The following EARS2 variants were observed in gnomAD, a reference collection of about 807,000 sequenced individuals.
The protein encoded by EARS2 is glutamyl-tRNA synthetase 2, mitochondrial, also known as nondiscriminating glutamyl-tRNA synthetase EARS2, mitochondrial.
EARS2 carries 50 observed loss-of-function variants against 54.1 expected under a neutral mutation model. That is an observed-to-expected ratio of 0.92 (90% CI 0.74 to 1.17). The LOEUF (loss-of-function observed/expected upper bound fraction) is 1.17, where lower values mean the gene tolerates loss of function less well. EARS2 is among the 50% of genes most tolerant of loss of function. The pLI is 0.00. For synonymous variants in EARS2, 298 were observed against 281.0 expected, an observed-to-expected ratio of 1.06 and a Z score of -0.61; for missense variants, 673 against 675.0, an observed-to-expected ratio of 1.00 and a Z score of 0.03.
intron 5 of EARS2, among the ~76,000 whole-genome samples, chr16:23,530,918 T>A (rs536070970): frequency 5.5e-4 from 81 of 147,690 alleles, no homozygotes; most frequent in African/African-American, 1.9e-3. Context: ...TGAGATGGAG[T>A]TTCACTCTTG....
At chr16:23,541,804 G>GT (rs1271769250) in intron 3 of EARS2, among the ~76,000 whole-genome samples, 2 of 149,068 alleles carry the variant, frequency 1.3e-5, no homozygotes, top group African/African-American at 5.0e-5. Context: ...TGCGATTCTA[G>GT]TGCCTCAACC....
chr16:23,552,099 C>G, intron 2 of EARS2, 50 bp downstream of exon 2: 1 of 1,590,406 alleles, frequency 6.3e-7, no homozygotes, highest in Non-Finnish European at 8.6e-7. Flanking sequence ...GCTCCTTTTC[C>G]TGCTTCCTGT....
chr16:23,526,970 A>G (rs1024347447), intron 7 of EARS2, among the ~76,000 whole-genome samples: 1 of 138,850 alleles, frequency 7.2e-6, no homozygotes, highest in Non-Finnish European at 1.7e-5. Flanking sequence ...ATAATTAATT[A>G]TTTTTTTTTT....
Position 23,523,809 on chromosome 16 carries a change from A to G in EARS2, c.*562T>C, listed in dbSNP as rs1277118490. On this transcript the variant is annotated 3_prime_UTR_variant, in exon 9 of 9. Coordinates refer to ENST00000449606, the MANE Select transcript of EARS2 (RefSeq NM_001083614.2). ...ATCCAGTCCAACTGGTGTTCTTAGA[A>G]GAGGAACGTTGGGCACATAATGAAA... The G allele has an allele frequency of 8.2e-6, 1 of 122,678 alleles. No individual in the cohort carries two copies. The highest frequency in any genetic ancestry group is 1.7e-5 in the Non-Finnish European group (1 of 59,190). The allele number at this position is 122,678 out of a possible 1,614,324, so 7.6% of individuals were successfully genotyped here. A position where few individuals can be genotyped will look rare whatever the true frequency, so the allele number is the denominator to read the frequency against.
Position 23,534,978 on chromosome 16 carries a change from C to G in EARS2, c.868G>C (p.Gly290Arg). 2 of 1,612,304 alleles carry G rather than the reference C, an allele frequency of 1.2e-6. No individual in the cohort carries two copies. The highest frequency in any genetic ancestry group is 4.5e-5 in the East Asian group (2 of 44,844). The change falls in exon 4 of 9, where the codon GGG becomes CGG. Residue 290 changes from glycine to arginine, a missense_variant. By Grantham distance (125) the Gly-to-Arg change is moderately radical. Transcript: ENST00000449606. ...GCAAAGTGCTCCAGGAAAACGTCCC[C>G]TTGCCTCTTGGAGAGCTTGCTGCCA... ...RDGSKLSKRQGDVFLEHFAAD... is the reference protein window; with the variant it reads ...RDGSKLSKRQRDVFLEHFAAD...
intron 2 of EARS2, among the ~76,000 whole-genome samples, chr16:23,549,939 C>T (rs1965665664): frequency 6.6e-6 from 1 of 152,200 alleles, no homozygotes; most frequent in Non-Finnish European, 1.5e-5. Flanking sequence ...TCACTTCATG[C>T]AGGTCTCTGC....
At chr16:23,545,627 T>A (rs1420741878) in intron 2 of EARS2, among the ~76,000 whole-genome samples, 1 of 152,154 alleles carries the variant, frequency 6.6e-6, no homozygotes, top group Non-Finnish European at 1.5e-5. Context: ...CCGGAGCCGA[T>A]ATTCTTAACC....
intron 1 of EARS2, among the ~76,000 whole-genome samples, chr16:23,553,958 G>T (rs988809599): frequency 6.6e-6 from 1 of 150,858 alleles, no homozygotes; most frequent in Non-Finnish European, 1.5e-5. Flanking sequence ...GACTGTCCAC[G>T]TCGTACATTT....
chr16:23,543,615 C>A (rs1263457090), intron 3 of EARS2, among the ~76,000 whole-genome samples: 4 of 151,816 alleles, frequency 2.6e-5, no homozygotes, highest in Non-Finnish European at 5.9e-5. Context: ...CACCTGTAGT[C>A]CCAGCTACCC....
chr16:23,525,500 G>T, intron 7 of EARS2, 121 bp from the exon 8 acceptor site: 1 of 1,167,900 alleles, frequency 8.6e-7, no homozygotes, highest in Non-Finnish European at 1.2e-6. Context: ...GTTCAAGCCT[G>T]TTTTGAGGGA....
At chr16:23,555,846 A>C (rs1352220128) in intron 1 of EARS2, among the ~76,000 whole-genome samples, 2 of 152,210 alleles carry the variant, frequency 1.3e-5, no homozygotes, top group African/African-American at 2.4e-5. Context: ...ATGCCCGGCT[A>C]ATTTTTGTAT....
At position 23,534,806 on chromosome 16, in the gene EARS2, A is replaced by G. The variant is rs1027870378; in HGVS notation, c.958+82T>C. 7 of 1,277,756 alleles carry G rather than the reference A, an allele frequency of 5.5e-6. No homozygotes were observed. In the African/African-American group the frequency reaches 9.0e-5, roughly 16 times the overall value. The allele number at this position is 1,277,756 out of a possible 1,614,324, so 79.2% of individuals were successfully genotyped here. A position where few individuals can be genotyped will look rare whatever the true frequency, so the allele number is the denominator to read the frequency against. On this transcript the variant is annotated intron_variant, in intron 4 of 8. Coordinates refer to ENST00000449606, the MANE Select transcript of EARS2 (RefSeq NM_001083614.2). The stretch of plus-strand genomic sequence containing the variant: ...GCTGGTAGGTGGCAAAGCTGGGACC[A>G]AAGAGCAGGACTGTCTGAGCCAAAG...
In EARS2 at chr16:23,529,537, C is replaced by A; in HGVS notation, c.1317G>T (p.Ser439=). ...GCTTGGCAATCACATCCACCTTCTC[C>A]GAGATGGCGTCCAGCTGTGCTCGAC... is the stretch of plus-strand genomic sequence containing the variant. ...AVGRAQLDAI[S]EKVDVIAKRV... Residue 439 remains serine, a synonymous_variant, in exon 7 of 9, where the codon TCG becomes TCT. Coordinates refer to ENST00000449606, the MANE Select transcript of EARS2 (RefSeq NM_001083614.2). 6.2e-7 allele frequency: 1 copy of A among 1,614,076 alleles called. No individual in the cohort carries two copies. The highest frequency in any genetic ancestry group is 8.5e-7 in the Non-Finnish European group (1 of 1,179,998).
intron 1 of EARS2, among the ~76,000 whole-genome samples, chr16:23,554,626 C>T (rs745544704): frequency 3.3e-5 from 5 of 152,188 alleles, no homozygotes; most frequent in Non-Finnish European, 4.4e-5. Flanking sequence ...GTGTAACCTT[C>T]GGATAGTTAC....
At chr16:23,534,816 A>C (rs879567788) in intron 4 of EARS2, 72 bp downstream of exon 4, 2 of 1,339,350 alleles carry the variant, frequency 1.5e-6, no homozygotes, top group Non-Finnish European at 2.0e-6. Context: ...AAAGAGCAGG[A>C]CTGTCTGAGC....
rs766371265 is a variant in EARS2, at chr16:23,552,335, G to A, written c.140-31C>T. 23 of 1,609,420 alleles carry A rather than the reference G, an allele frequency of 1.4e-5. No homozygotes were observed. The East Asian group carries it at 5.1e-4, about 36-fold the overall frequency. On this transcript the variant is annotated intron_variant, in intron 1 of 8. Coordinates refer to ENST00000449606, the MANE Select transcript of EARS2 (RefSeq NM_001083614.2). ...GAAGAGAACAGCTCAGATAAGACAG[G>A]GAAGATAAGCTAATAGGCCTCAGCA...
chr16:23,524,471 C>T lies in EARS2; in HGVS notation c.1489-17G>A, dbSNP rs1322146416. Reference sequence around the variant, plus strand: ...AGGTCCTTGCTAAGAACAAAAAGAGCAAATATTGCCTTACTACCTTAAACA... The same window carrying T: ...AGGTCCTTGCTAAGAACAAAAAGAGTAAATATTGCCTTACTACCTTAAACA... On this transcript the variant is annotated splice_polypyrimidine_tract_variant and intron_variant, in intron 8 of 8. Coordinates refer to ENST00000449606, the MANE Select transcript of EARS2 (RefSeq NM_001083614.2). 1 of 1,609,210 alleles carries T rather than the reference C, an allele frequency of 6.2e-7. No individual in the cohort carries two copies. The highest frequency in any genetic ancestry group is 8.5e-7 in the Non-Finnish European group (1 of 1,175,560).
intron 1 of EARS2, 200 bp downstream of exon 1, chr16:23,557,005 A>G: frequency 1.2e-6 from 1 of 834,462 alleles, no homozygotes; most frequent in Non-Finnish European, 1.9e-6. Context: ...TGGCACAAAA[A>G]ACACAAGAAA....
chr16:23,531,324 G>T (rs563869553), intron 5 of EARS2, among the ~76,000 whole-genome samples: 1 of 151,542 alleles, frequency 6.6e-6, no homozygotes, highest in African/African-American at 2.4e-5. Flanking sequence ...GCAGTGGAGC[G>T]ATCTCGGCTC....
Sources: allele counts gnomAD v4.1 joint callset (sites outside exome capture counted in the v4.1 genomes callset), GRCh38; gene constraint gnomAD v4.1.1; transcripts MANE v1.5; gene names NCBI Gene and HGNC (gene_info 2026-07-23, HGNC 2026-07-21).